Variants in C1orf94 observed in about 807,000 individuals in gnomAD.
C1orf94 encodes the protein chromosome 1 open reading frame 94.
Under a neutral mutation model 53.6 loss-of-function variants are expected in C1orf94, and 45 were observed. The observed-to-expected ratio is 0.84, with a 90% confidence interval of 0.66 to 1.08. The LOEUF is 1.08. Ranked by LOEUF, C1orf94 falls within the 50% of genes least tolerant of loss-of-function variation. The pLI is 0.00. For missense variants in C1orf94, 762 were observed against 738.9 expected (o/e 1.03, Z -0.36); for synonymous variants, 304 against 296.1 (o/e 1.03, Z -0.27).
chr1:34,208,336 C>A, intron 5 of C1orf94, 102 bp downstream of exon 5: 1 of 1,176,160 alleles, frequency 8.5e-7, no homozygotes, highest in Non-Finnish European at 1.2e-6. Context: ...GACCAGACAC[C>A]TGGCCCACCA....
intron 4 of C1orf94, among the ~76,000 whole-genome samples, chr1:34,205,313 A>T (rs1642774829): frequency 6.6e-6 from 1 of 152,198 alleles, no homozygotes; most frequent in African/African-American, 2.4e-5. Flanking sequence ...CCTCCCAGGT[A>T]ATAAGGAAGG....
At chr1:34,201,123 C>T (rs1642700694) in intron 3 of C1orf94, 91 bp downstream of exon 3, 1 of 1,486,122 alleles carries the variant, frequency 6.7e-7, no homozygotes, top group Non-Finnish European at 9.0e-7. Flanking sequence ...AAGTGGCTGT[C>T]TTATCTACTG....
At chr1:34,213,229 GC>G (rs1001485965) in intron 6 of C1orf94, among the ~76,000 whole-genome samples, 11 of 152,142 alleles carry the variant, frequency 7.2e-5, no homozygotes, top group African/African-American at 2.7e-4. Context: ...AACCTTCCCA[GC>G]CTGACAGTGA....
Position 34,197,328 on chromosome 1 carries a change from G to T in C1orf94, c.424G>T (p.Gly142Trp). The T allele has an allele frequency of 6.3e-7, 1 of 1,578,642 alleles. No individual in the cohort carries two copies. Among genetic ancestry groups the T allele is most frequent in the Admixed American group, 1.9e-5 (1 of 53,820 alleles). ...EHSILVEESS[G>W]ELEVPGSSPE... ...CTCGATCCTGGTCGAAGAGAGTTCTGGGGAGCTGGAGGTACCCGGCAGCTC... is the reference window on the plus strand; with the variant it reads ...CTCGATCCTGGTCGAAGAGAGTTCTTGGGAGCTGGAGGTACCCGGCAGCTC... Residue 142 changes from glycine to tryptophan, a missense_variant, in exon 2 of 7, where the codon GGG (glycine) becomes TGG (tryptophan). By Grantham distance (184) the Gly-to-Trp change is radical. Transcript: ENST00000488417. This position sits in a 1 kb window ranked among gnomAD's most constrained non-coding sequence, Gnocchi z 4.1.
intron 1 of C1orf94, among the ~76,000 whole-genome samples, chr1:34,169,232 T>A (rs1642098679): frequency 6.6e-6 from 1 of 152,048 alleles, no homozygotes; most frequent in Non-Finnish European, 1.5e-5. Context: ...CCTGGAAACA[T>A]CTGCAGGGCA....
intron 1 of C1orf94, among the ~76,000 whole-genome samples, chr1:34,180,803 T>C (rs796561100): frequency 3.9e-5 from 6 of 152,376 alleles, no homozygotes; most frequent in African/African-American, 1.2e-4. Flanking sequence ...TGTTTTCTTG[T>C]ATTGTGGTAG....
At chr1:34,201,152 T>C (rs1209796177) in intron 3 of C1orf94, 120 bp downstream of exon 3, 2 of 1,371,246 alleles carry the variant, frequency 1.5e-6, no homozygotes, top group Non-Finnish European at 2.0e-6. Context: ...GAGGTGTCAG[T>C]TTTTAAACCC....
At chr1:34,209,609 T>C (rs1642857728) in intron 5 of C1orf94, among the ~76,000 whole-genome samples, 1 of 152,110 alleles carries the variant, frequency 6.6e-6, no homozygotes, top group Admixed American at 6.5e-5. Flanking sequence ...CCACCCTCCG[T>C]GCAAACCGCA....
At chr1:34,173,159 A>G (rs962187757), upstream of C1orf94, among the ~76,000 whole-genome samples, 3 of 152,266 alleles carry the variant, frequency 2.0e-5, no homozygotes, top group Admixed American at 6.5e-5. Context: ...TGTAGGTTGG[A>G]GTTTTCTCAC....
chr1:34,208,229 C>A lies in C1orf94; in HGVS notation c.1519C>A (p.Gln507Lys), dbSNP rs1363632549. Residue 507 changes from glutamine (Q) to lysine (K), a missense_variant, in exon 5 of 7, where the codon CAA (glutamine) becomes AAA (lysine). By Grantham distance (53) the Gln-to-Lys change is moderately conservative. Coordinates refer to ENST00000488417, the MANE Select transcript of C1orf94 (RefSeq NM_001134734.2). ...ALHPQLGCYS[Q>K]QVMPYNPQQM... ...GCACCCGCAGCTGGGATGTTACTCC[C>A]AACAGGTGAGTAGACGATCTCTCCT... The A allele has an allele frequency of 3.1e-6, 5 of 1,613,636 alleles. No homozygotes were observed. The East Asian group carries it at 6.7e-5, about 22-fold the overall frequency.
intron 4 of C1orf94, among the ~76,000 whole-genome samples, chr1:34,205,164 T>C (rs973751332): frequency 6.6e-6 from 1 of 152,194 alleles, no homozygotes; most frequent in African/African-American, 2.4e-5. Flanking sequence ...GTCTTTAGCA[T>C]CATAGGGCTG....
Position 34,201,018 on chromosome 1 carries a change from G to A in C1orf94, c.1256G>A (p.Gly419Glu), listed in dbSNP as rs1273306482. 2.5e-6 allele frequency: 4 copies of A among 1,595,324 alleles called. No individual in the cohort carries two copies. Among genetic ancestry groups the A allele is most frequent in the Non-Finnish European group, 3.4e-6 (4 of 1,170,514 alleles). Reference sequence around the variant, plus strand: ...CTTCGAAACAAAGTGGAAGTGGATGGGCCGGAGCTGAAATGTGAGCTGACC... The same window carrying A: ...CTTCGAAACAAAGTGGAAGTGGATGAGCCGGAGCTGAAATGTGAGCTGACC... ...PRLRNKVEVD[G>E]PELKFNAPVT... Residue 419 changes from glycine (G) to glutamate (E), a missense_variant, in exon 3 of 7, where the codon GGG becomes GAG. Transcript: ENST00000488417.
At chr1:34,189,411 G>A (rs1642445049) in intron 1 of C1orf94, among the ~76,000 whole-genome samples, 2 of 152,104 alleles carry the variant, frequency 1.3e-5, no homozygotes, top group African/African-American at 4.8e-5. Context: ...GGGCAATTCA[G>A]TGAATCTTGG....
chr1:34,208,798 A>T (rs1269236830), intron 5 of C1orf94, among the ~76,000 whole-genome samples: 1 of 152,132 alleles, frequency 6.6e-6, no homozygotes, highest in African/African-American at 2.4e-5. Flanking sequence ...AGAGCCCAAC[A>T]GGGCAAGCAG....
intron 1 of C1orf94, among the ~76,000 whole-genome samples, chr1:34,182,124 A>G (rs1383681364): frequency 6.6e-6 from 1 of 152,192 alleles, no homozygotes; most frequent in Non-Finnish European, 1.5e-5. Context: ...AGCTCAGGAA[A>G]GTCGAGGCTG....
chr1:34,199,751 G>A (rs1338978551), intron 2 of C1orf94, among the ~76,000 whole-genome samples: 1 of 152,186 alleles, frequency 6.6e-6, no homozygotes, highest in Non-Finnish European at 1.5e-5. Context: ...TCTCTTTAGT[G>A]AGAAACCTGT....
Position 34,197,874 on chromosome 1 carries a change from C to A in C1orf94, c.970C>A (p.Pro324Thr), listed in dbSNP as rs147621215. 41 of 1,614,024 alleles carry A rather than the reference C, an allele frequency of 2.5e-5. No homozygotes were observed. The highest frequency in any genetic ancestry group is 3.3e-5 in the Non-Finnish European group (39 of 1,180,016). ...LPVFAKICSK[P>T]KADPAVERHH... The stretch of plus-strand genomic sequence containing the variant: ...AGTGTTTGCCAAGATCTGTTCCAAG[C>A]CCAAGGCTGACCCTGCTGTGGAGAG... Residue 324 changes from proline to threonine, a missense_variant, in exon 2 of 7, where the codon CCC becomes ACC. Coordinates refer to ENST00000488417, the MANE Select transcript of C1orf94 (RefSeq NM_001134734.2). The surrounding 1 kb of genome is among the most constrained non-coding windows in gnomAD (Gnocchi z 4.1).
At chr1:34,167,781 G>A (rs1261404769) in intron 1 of C1orf94, among the ~76,000 whole-genome samples, 1 of 152,172 alleles carries the variant, frequency 6.6e-6, no homozygotes, top group Non-Finnish European at 1.5e-5. Flanking sequence ...CTACCGAGAG[G>A]CATGTCAAGA....
At chr1:34,191,497 G>T (rs76506386) in intron 1 of C1orf94, among the ~76,000 whole-genome samples, 5,106 of 151,986 alleles carry the variant, frequency 0.034, 97 homozygotes, top group East Asian at 0.064. Flanking sequence ...AATATGCTGT[G>T]CTGCTCTACC....
Sources: gnomAD v4.1 joint callset for allele counts (sites outside exome capture counted in the v4.1 genomes callset) on GRCh38, gnomAD v4.1.1 for gene constraint, Gnocchi (gnomAD v3.1) non-coding constraint, MANE v1.5 for transcripts, NCBI Gene and HGNC (gene_info 2026-07-23, HGNC 2026-07-21) for gene names.